The following NR1D2 variants were observed in gnomAD, a reference collection of about 807,000 sequenced individuals.
NR1D2 encodes nuclear receptor subfamily 1 group D member 2.
A neutral mutation model predicts 52.2 loss-of-function variants in NR1D2; 25 were observed. The ratio of observed to expected loss-of-function variants is 0.48; its 90% CI spans 0.35 to 0.67. NR1D2 has a LOEUF of 0.67. Ranked by LOEUF, NR1D2 falls within the 30% of genes least tolerant of loss-of-function variation. The pLI is 0.01. For missense variants in NR1D2, 681 were observed against 707.2 expected, an observed-to-expected ratio of 0.96 and a Z score of 0.42; for synonymous variants, 259 against 230.1, an observed-to-expected ratio of 1.13 and a Z score of -1.14.
At position 23,977,426 on chromosome 3, in the gene NR1D2, T is replaced by C; in HGVS notation, c.*7T>C. The C allele has an allele frequency of 1.3e-6, 2 of 1,561,618 alleles. No individual in the cohort carries two copies. The highest frequency in any genetic ancestry group is 1.7e-6 in the Non-Finnish European group (2 of 1,154,108). Reference sequence around the variant, plus strand: ...CTTTAAAGTTCACCCTTAAGGCCTTTGTTTATTTAAACATGAACTGATGGT... The same window carrying C: ...CTTTAAAGTTCACCCTTAAGGCCTTCGTTTATTTAAACATGAACTGATGGT... On this transcript the variant is annotated 3_prime_UTR_variant, in exon 8 of 8. Transcript: ENST00000312521.
rs1239006012 is a variant in NR1D2, at chr3:23,977,562, T to TA, written c.*144dup. ...GTAGGCTATCTCTGTAATCATGCAA[T>TA]AGCTGTTCGGATTGAGAACTCTTCA... is the stretch of plus-strand genomic sequence containing the variant. On this transcript the variant is annotated 3_prime_UTR_variant, in exon 8 of 8. Transcript: ENST00000312521. 3.1e-5 allele frequency: 15 copies of TA among 491,484 alleles called. No individual in the cohort carries two copies. The allele number at this position is 491,484 out of a possible 1,614,324, so 30.4% of individuals were successfully genotyped here. A position where few individuals can be genotyped will look rare whatever the true frequency, so the allele number is the denominator to read the frequency against.
At position 23,946,056 on chromosome 3, in the gene NR1D2, G is replaced by T. The variant is rs1705687166; in HGVS notation, c.16+462G>T. 3 of 974,780 alleles carry T rather than the reference G, an allele frequency of 3.1e-6. No homozygotes were observed. In the Admixed American group the frequency reaches 1.8e-4, roughly 60 times the overall value. 60.4% of individuals were successfully genotyped at this position (974,780 alleles called of 1,614,324 possible). On this transcript the variant is annotated intron_variant, in intron 1 of 7. Coordinates refer to ENST00000312521, the MANE Select transcript of NR1D2 (RefSeq NM_005126.5). ...GCGCGCGCGCGCGCGCTGGCTGGGA[G>T]CGCCGCAGCCTCCCGGGAGGCTCCG...
intron 1 of NR1D2, among the ~76,000 whole-genome samples, chr3:23,950,607 A>G (rs1044485277): frequency 6.6e-6 from 1 of 152,230 alleles, no homozygotes; most frequent in Non-Finnish European, 1.5e-5. Context: ...ATAGATGCCA[A>G]GACAACTAAA....
intron 1 of NR1D2, among the ~76,000 whole-genome samples, chr3:23,951,359 T>C (rs912669430): frequency 6.6e-6 from 1 of 152,228 alleles, no homozygotes; most frequent in Non-Finnish European, 1.5e-5. Context: ...GATGTGAATT[T>C]AGTACTTAAG....
intron 2 of NR1D2, 36 bp from the exon 3 acceptor site, chr3:23,956,001 C>T (rs750857055): frequency 2.7e-6 from 4 of 1,461,680 alleles, no homozygotes; most frequent in East Asian, 2.3e-5. Flanking sequence ...TCGGTGTTTC[C>T]TCCTACTTTT....
chr3:23,965,837 C>T (rs1443398986), intron 6 of NR1D2, among the ~76,000 whole-genome samples: 1 of 152,072 alleles, frequency 6.6e-6, no homozygotes, highest in Non-Finnish European at 1.5e-5. Flanking sequence ...TTACTGTATT[C>T]GATACAGAAT....
Position 23,977,421 on chromosome 3 carries a change from G to A in NR1D2, c.*2G>A, listed in dbSNP as rs761991177. On this transcript the variant is annotated 3_prime_UTR_variant, in exon 8 of 8. Transcript: ENST00000312521. The stretch of plus-strand genomic sequence containing the variant: ...TTGGCCTTTAAAGTTCACCCTTAAG[G>A]CCTTTGTTTATTTAAACATGAACTG... The A allele has an allele frequency of 3.2e-6, 5 of 1,572,428 alleles. No individual in the cohort carries two copies. The East Asian group carries it at 1.1e-4, about 35-fold the overall frequency.
intron 1 of NR1D2, among the ~76,000 whole-genome samples, chr3:23,953,564 T>TA (rs1341985973): frequency 6.6e-6 from 1 of 152,048 alleles, no homozygotes; most frequent in Non-Finnish European, 1.5e-5. Flanking sequence ...AAGAGCTGCT[T>TA]AGAGATGAAT....
chr3:23,948,621 T>A (rs1340898433), intron 1 of NR1D2, among the ~76,000 whole-genome samples: 1 of 152,204 alleles, frequency 6.6e-6, no homozygotes, highest in Admixed American at 6.5e-5. Flanking sequence ...GCCAGGCCTT[T>A]TACATGTGTT....
At chr3:23,954,944 G>T (rs1171481690) in intron 2 of NR1D2, 141 bp downstream of exon 2, 10 of 730,052 alleles carry the variant, frequency 1.4e-5, no homozygotes, top group Non-Finnish European at 2.2e-5. Context: ...AGTAGTTAGG[G>T]AAGAAATCAG....
At position 23,955,817 on chromosome 3, in the gene NR1D2, T is replaced by C. The variant is rs148290656; in HGVS notation, c.284-220T>C. 4.7e-3 allele frequency among the ~76,000 whole-genome samples: 721 copies of C among 152,082 alleles called. 7 individuals carry two copies. Among genetic ancestry groups the C allele is most frequent in the African/African-American group, 0.016 (653 of 41,474 alleles). On this transcript the variant is annotated intron_variant, in intron 2 of 7. Transcript: ENST00000312521. ...CAGCCTGGGCGACAGAGGGAGACTC[T>C]ATCTTTAAAACAAAACAAAGCAAAA... is the stretch of plus-strand genomic sequence containing the variant.
chr3:23,952,725 C>CA (rs35053426), intron 1 of NR1D2, among the ~76,000 whole-genome samples: 22,285 of 118,318 alleles, frequency 0.19, 2,114 homozygotes, highest in African/African-American at 0.29. Context: ...GACTCCATCT[C>CA]AAAAAAAAAA....
intron 1 of NR1D2, among the ~76,000 whole-genome samples, chr3:23,946,899 G>T (rs949381294): frequency 6.6e-6 from 1 of 152,164 alleles, no homozygotes; most frequent in Non-Finnish European, 1.5e-5. Flanking sequence ...GCCAGCTTTT[G>T]TTTTATTTTT....
chr3:23,946,952 T>A (rs1366272265), intron 1 of NR1D2, among the ~76,000 whole-genome samples: 2 of 152,072 alleles, frequency 1.3e-5, no homozygotes, highest in Non-Finnish European at 2.9e-5. Context: ...CGATAACAAA[T>A]GTATTGTGAA....
At chr3:23,947,747 T>G (rs1259993838) in intron 1 of NR1D2, among the ~76,000 whole-genome samples, 10 of 152,238 alleles carry the variant, frequency 6.6e-5, no homozygotes, top group African/African-American at 2.2e-4. Context: ...GGCCTTAAGT[T>G]CAAAGCTGTT....
At chr3:23,974,980 G>A (rs1259113421) in intron 7 of NR1D2, among the ~76,000 whole-genome samples, 4 of 151,502 alleles carry the variant, frequency 2.6e-5, no homozygotes, top group African/African-American at 7.3e-5. Context: ...CACCATGCCC[G>A]GCTAAATTTT....
At chr3:23,968,921 C>T (rs1706518165) in intron 7 of NR1D2, among the ~76,000 whole-genome samples, 1 of 152,176 alleles carries the variant, frequency 6.6e-6, no homozygotes, top group Non-Finnish European at 1.5e-5. Context: ...CTGTGCTAGG[C>T]ATTGTGAGAG....
chr3:23,954,068 A>T (rs532560578), intron 1 of NR1D2, among the ~76,000 whole-genome samples: 43 of 152,188 alleles, frequency 2.8e-4, no homozygotes, highest in Non-Finnish European at 4.3e-4. Flanking sequence ...TAGCATGATC[A>T]TGGCTCACTA....
Position 23,956,121 on chromosome 3 carries a change from G to A in NR1D2, c.368G>A (p.Cys123Tyr). Residue 123 changes from cysteine to tyrosine, a missense_variant, in exon 3 of 8, where the codon TGT becomes TAT. Physicochemically the swap from Cys to Tyr is radical, Grantham distance 194 (BLOSUM62 -2). Around this residue, in one of 3 missense-constraint regions of NR1D2, gnomAD observed 112 missense variants for 162.3 expected, o/e 0.69. Transcript: ENST00000312521. Reference protein sequence around the residue: ...FHYGVHACEGCKGFFRRSIQQ... With the variant: ...FHYGVHACEGYKGFFRRSIQQ... ...TATGGAGTTCATGCTTGCGAAGGCT[G>A]TAAGGTAAAGCATGCTTTTGTTTCT... is the stretch of plus-strand genomic sequence containing the variant. The A allele has an allele frequency of 6.2e-7, 1 of 1,611,768 alleles. No homozygotes were observed. The highest frequency in any genetic ancestry group is 8.5e-7 in the Non-Finnish European group (1 of 1,177,918).
Sources: gnomAD v4.1 joint callset for allele counts (sites outside exome capture counted in the v4.1 genomes callset) on GRCh38, gnomAD v4.1.1 for gene constraint, gnomAD v4.1.1 regional missense constraint, MANE v1.5 for transcripts, NCBI Gene and HGNC (gene_info 2026-07-23, HGNC 2026-07-21) for gene names.